CECR2: variants seen among roughly 807,000 people sequenced by gnomAD.
CECR2 encodes chromatin remodeling regulator CECR2.
CECR2 carries 30 observed loss-of-function variants against 154.5 expected under a neutral mutation model. That is an observed-to-expected ratio of 0.19 (90% confidence interval 0.15 to 0.26). CECR2 has a LOEUF of 0.26. Among genes scored for constraint, CECR2 ranks in the 10% least tolerant of loss-of-function variants. The pLI is 1.00. For missense variants in CECR2, 1,743 were observed against 1,829.3 expected (o/e 0.95, Z 0.86); for synonymous variants, 725 against 683.7 (o/e 1.06, Z -0.94).
intron 2 of CECR2, among the ~76,000 whole-genome samples, chr22:17,480,708 T>A (rs2055294611): frequency 6.6e-6 from 1 of 152,198 alleles, no homozygotes; most frequent in African/African-American, 2.4e-5. Context: ...TTACCTGTTA[T>A]GCCTCCAAGA....
rs566939181 is a variant in CECR2, at chr22:17,504,366, C to T, written c.701-481C>T. Among the ~76,000 whole-genome samples, 205 of 151,768 alleles carry T rather than the reference C, an allele frequency of 1.4e-3. 1 individual carries two copies. Among genetic ancestry groups the T allele is most frequent in the Admixed American group, 3.9e-3 (60 of 15,266 alleles). Reference sequence around the variant, plus strand: ...CTCCAGCCTGGACAATAGAGCCAGACGTTGTCTCAAAAAAAATAAAATTAA... The same window carrying T: ...CTCCAGCCTGGACAATAGAGCCAGATGTTGTCTCAAAAAAAATAAAATTAA... On this transcript the variant is annotated intron_variant, in intron 6 of 18. Coordinates refer to ENST00000262608, the MANE Select transcript of CECR2 (RefSeq NM_001290047.2).
intron 1 of CECR2, among the ~76,000 whole-genome samples, chr22:17,444,123 C>T (rs762468454): frequency 1.4e-4 from 21 of 152,186 alleles, no homozygotes; most frequent in Non-Finnish European, 2.5e-4. Context: ...TGTGGTCTCC[C>T]CTGGAGCTTA....
chr22:17,461,099 C>T (rs1381660827), intron 1 of CECR2, among the ~76,000 whole-genome samples: 2 of 152,182 alleles, frequency 1.3e-5, no homozygotes, highest in South Asian at 2.1e-4. Flanking sequence ...TTTCCCCGGT[C>T]GTGCTGCTCT....
intron 2 of CECR2, among the ~76,000 whole-genome samples, chr22:17,491,060 T>C (rs2055520654): frequency 8.8e-6 from 1 of 113,290 alleles, no homozygotes; most frequent in South Asian, 2.4e-4. Flanking sequence ...CAGTACTTCA[T>C]TCATTTTTAT....
chr22:17,499,017 T>C (rs2055685898), intron 3 of CECR2, among the ~76,000 whole-genome samples: 1 of 152,052 alleles, frequency 6.6e-6, no homozygotes, highest in Admixed American at 6.6e-5. Flanking sequence ...TGAGACAGAG[T>C]CTCTCTCTGT....
chr22:17,379,583 TG>T (rs1378426992), intron 1 of CECR2, among the ~76,000 whole-genome samples: 2 of 107,874 alleles, frequency 1.9e-5, no homozygotes, highest in Admixed American at 8.1e-5. Flanking sequence ...ACGTTGAAGG[TG>T]TGTGTGTGTG....
At chr22:17,468,803 A>G (rs1440095794) in intron 1 of CECR2, among the ~76,000 whole-genome samples, 1 of 152,202 alleles carries the variant, frequency 6.6e-6, no homozygotes. Context: ...AAAATATCAC[A>G]GACTGAGTAA....
At chr22:17,465,487 T>G (rs1044911338) in intron 1 of CECR2, among the ~76,000 whole-genome samples, 3 of 151,408 alleles carry the variant, frequency 2.0e-5, no homozygotes, top group African/African-American at 7.3e-5. Context: ...TCACCACCTG[T>G]TTTTTTCCTT....
intron 1 of CECR2, among the ~76,000 whole-genome samples, chr22:17,398,944 T>C (rs1398125262): frequency 6.6e-6 from 1 of 152,198 alleles, no homozygotes; most frequent in Non-Finnish European, 1.5e-5. Flanking sequence ...TCAGGTGATA[T>C]TGGGCTCCCT....
chr22:17,504,668 C>T (rs527759182), intron 6 of CECR2, among the ~76,000 whole-genome samples, 179 bp from the exon 7 acceptor site: 1 of 151,594 alleles, frequency 6.6e-6, no homozygotes, highest in Admixed American at 6.6e-5. Context: ...GTCTCGATCT[C>T]CTGACCTCGT....
chr22:17,372,784 G>A (rs2063075701), intron 1 of CECR2, among the ~76,000 whole-genome samples: 1 of 152,156 alleles, frequency 6.6e-6, no homozygotes, highest in Non-Finnish European at 1.5e-5. Flanking sequence ...AGGTAAAAAT[G>A]ATAAATAATA....
At chr22:17,525,129 C>CA (rs1601514553) in intron 9 of CECR2, among the ~76,000 whole-genome samples, 1 of 148,836 alleles carries the variant, frequency 6.7e-6, no homozygotes, top group East Asian at 2.0e-4. Context: ...ACTAAAAATA[C>CA]AAAAAATTAG....
Position 17,481,108 on chromosome 22 carries a change from T to C in CECR2, c.221+3426T>C, listed in dbSNP as rs572872021. On this transcript the variant is annotated intron_variant, in intron 2 of 18. Transcript: ENST00000262608. Reference sequence around the variant, plus strand: ...CCTGTAATCCCAGCACTTTGGGAGGTGGAGGCGGGCAGATCACGAGGTCAG... The same window carrying C: ...CCTGTAATCCCAGCACTTTGGGAGGCGGAGGCGGGCAGATCACGAGGTCAG... 4.0e-3 allele frequency among the ~76,000 whole-genome samples: 555 copies of C among 140,494 alleles called. 4 individuals are homozygous for C. Among genetic ancestry groups the C allele is most frequent in the Non-Finnish European group, 6.8e-3 (443 of 65,116 alleles). The allele number at this position is 140,494 out of a possible 152,430, so 92.2% of individuals were successfully genotyped here. A position where few individuals can be genotyped will look rare whatever the true frequency, so the allele number is the denominator to read the frequency against.
At chr22:17,371,895 T>C (rs1345015288) in intron 1 of CECR2, among the ~76,000 whole-genome samples, 1 of 152,228 alleles carries the variant, frequency 6.6e-6, no homozygotes, top group Non-Finnish European at 1.5e-5. Flanking sequence ...GTAAATAACT[T>C]GTCTTCTGTT....
chr22:17,488,726 T>C (rs537707493), intron 2 of CECR2, among the ~76,000 whole-genome samples: 6 of 152,316 alleles, frequency 3.9e-5, no homozygotes, highest in Admixed American at 6.5e-5. Flanking sequence ...AGCACTTAGG[T>C]TGCTTCCAGT....
chr22:17,464,053 T>C (rs1029090695), intron 1 of CECR2, among the ~76,000 whole-genome samples: 5 of 152,174 alleles, frequency 3.3e-5, no homozygotes, highest in African/African-American at 7.2e-5. Flanking sequence ...CTGAGAACCA[T>C]TTGTTAAATT....
chr22:17,535,028 G>A (rs1306404183), intron 9 of CECR2, among the ~76,000 whole-genome samples: 2 of 151,976 alleles, frequency 1.3e-5, no homozygotes, highest in Non-Finnish European at 2.9e-5. Context: ...GCGGGTGCCT[G>A]TAGTCCCAGC....
intron 8 of CECR2, among the ~76,000 whole-genome samples, chr22:17,514,274 C>G (rs956290435): frequency 6.6e-6 from 1 of 152,126 alleles, no homozygotes; most frequent in South Asian, 2.1e-4. Context: ...GTTGGGTGTT[C>G]GTCTCAAATG....
At chr22:17,420,979 TGTATC>T (rs1475265670) in intron 1 of CECR2, among the ~76,000 whole-genome samples, 4 of 152,244 alleles carry the variant, frequency 2.6e-5, no homozygotes, top group African/African-American at 9.6e-5. Flanking sequence ...CTCCCATCCC[TGTATC>T]GTTGCTGTCC....
Sources: gnomAD v4.1 joint callset for allele counts (sites outside exome capture counted in the v4.1 genomes callset) on GRCh38, gnomAD v4.1.1 for gene constraint, MANE v1.5 for transcripts, NCBI Gene and HGNC (gene_info 2026-07-23, HGNC 2026-07-21) for gene names.